Variants in HS2ST1 observed in about 807,000 individuals in gnomAD.
HS2ST1 encodes the protein heparan sulfate 2-O-sulfotransferase 1.
HS2ST1 carries 18 observed loss-of-function variants against 42.9 expected under a neutral mutation model. The observed-to-expected ratio is 0.42, with a 90% CI of 0.29 to 0.62. HS2ST1 has a LOEUF of 0.62. Ranked by LOEUF, HS2ST1 falls within the 20% of genes least tolerant of loss-of-function variation. The probability of loss-of-function intolerance (pLI) is 0.21; values close to 1 mark genes in which losing one functional copy is unlikely to be tolerated. For missense variants in HS2ST1, 334 were observed against 433.8 expected (o/e 0.77, Z 2.04); for synonymous variants, 146 against 152.9 (o/e 0.95, Z 0.33).
In HS2ST1 at chr1:86,922,752, C is replaced by A. The variant is rs557451666; in HGVS notation, c.124+7592C>A. ...TCTTTTATTTTTCCTCTTTTGCCTA[C>A]TTTTAAGAGTTTCACTAGGTTTTTA... On this transcript the variant is annotated intron_variant, in intron 1 of 6. Coordinates refer to ENST00000370550, the MANE Select transcript of HS2ST1 (RefSeq NM_012262.4). Among the ~76,000 whole-genome samples, 3 of 152,178 alleles carry A rather than the reference C, an allele frequency of 2.0e-5. No individual in the cohort carries two copies. The East Asian group carries it at 5.8e-4, about 29-fold the overall frequency.
chr1:86,992,997 C>A, intron 1 of HS2ST1: 1 of 1,441,782 alleles, frequency 6.9e-7, no homozygotes, highest in Non-Finnish European at 9.4e-7. Flanking sequence ...GTCTATGTTC[C>A]TTTCCTCCCA....
chr1:86,952,541 T>A (rs971275076), intron 1 of HS2ST1, among the ~76,000 whole-genome samples: 1 of 152,206 alleles, frequency 6.6e-6, no homozygotes, highest in Non-Finnish European at 1.5e-5. Flanking sequence ...CCCAGCCAAA[T>A]AATAAAACTT....
At chr1:86,972,876 T>C (rs566154256) in intron 1 of HS2ST1, among the ~76,000 whole-genome samples, 2 of 152,372 alleles carry the variant, frequency 1.3e-5, no homozygotes, top group African/African-American at 4.8e-5. Flanking sequence ...TAGTTGTCTT[T>C]ATTCTGCAGT....
chr1:86,993,228 T>G (rs770973596), intron 1 of HS2ST1: 94 of 1,383,126 alleles, frequency 6.8e-5, no homozygotes, highest in Non-Finnish European at 8.5e-5. Context: ...TTGTAATGTA[T>G]GCAACCATAC....
intron 1 of HS2ST1, among the ~76,000 whole-genome samples, chr1:87,054,289 TATCTC>T (rs1650905811): frequency 6.6e-6 from 1 of 152,166 alleles, no homozygotes; most frequent in Admixed American, 6.5e-5. Context: ...CTTCTAGAGA[TATCTC>T]ATGTGGGTTT....
chr1:86,977,663 T>C (rs1398498555), intron 1 of HS2ST1, among the ~76,000 whole-genome samples: 1 of 152,224 alleles, frequency 6.6e-6, no homozygotes, highest in Admixed American at 6.5e-5. Context: ...GAAAGGACTT[T>C]TAACCTCAAG....
intron 3 of HS2ST1, among the ~76,000 whole-genome samples, chr1:87,091,156 C>T (rs1651929235): frequency 6.6e-6 from 1 of 151,674 alleles, no homozygotes; most frequent in Admixed American, 6.6e-5. Context: ...ATTCCTAGTA[C>T]CTAGAATAGT....
chr1:87,033,535 G>GTT (rs1553138999), intron 1 of HS2ST1, among the ~76,000 whole-genome samples: 35 of 146,688 alleles, frequency 2.4e-4, no homozygotes, highest in Non-Finnish European at 4.8e-4. Context: ...GTGTTTTTTT[G>GTT]TTTTTTTGTT....
intron 1 of HS2ST1, among the ~76,000 whole-genome samples, chr1:87,068,635 C>T (rs1040349481): frequency 1.4e-4 from 22 of 152,040 alleles, no homozygotes; most frequent in Non-Finnish European, 2.9e-4. Flanking sequence ...TGTCTTGCAC[C>T]GGTTGTCAAA....
intron 1 of HS2ST1, among the ~76,000 whole-genome samples, chr1:86,999,740 T>TA (rs1370664716): frequency 2.6e-5 from 4 of 152,220 alleles, no homozygotes; most frequent in Non-Finnish European, 5.9e-5. Context: ...TTAGGCCTAG[T>TA]AAAGTCAAAT....
At chr1:86,978,271 TA>T (rs548093545) in intron 1 of HS2ST1, among the ~76,000 whole-genome samples, 4 of 152,200 alleles carry the variant, frequency 2.6e-5, no homozygotes, top group Non-Finnish European at 4.4e-5. Flanking sequence ...TAAAAGCTAA[TA>T]AAAATCTTAC....
At chr1:87,049,190 A>G (rs925591295) in intron 1 of HS2ST1, among the ~76,000 whole-genome samples, 1 of 151,890 alleles carries the variant, frequency 6.6e-6, no homozygotes, top group Non-Finnish European at 1.5e-5. Context: ...TATCAAGTTT[A>G]TTGGCTACAG....
intron 5 of HS2ST1, 163 bp downstream of exon 5, chr1:87,098,098 T>C (rs1652113391): frequency 4.3e-6 from 6 of 1,407,810 alleles, no homozygotes; most frequent in African/African-American, 1.5e-5. Flanking sequence ...TTAAATGCAT[T>C]TAAAAGATTC....
At chr1:87,006,796 CAT>C (rs1218031095) in intron 1 of HS2ST1, among the ~76,000 whole-genome samples, 1 of 152,030 alleles carries the variant, frequency 6.6e-6, no homozygotes, top group Non-Finnish European at 1.5e-5. Flanking sequence ...TATTTGCTAA[CAT>C]AAGATAATAG....
At chr1:87,064,591 C>T in intron 1 of HS2ST1, 2 of 507,698 alleles carry the variant, frequency 3.9e-6, no homozygotes, top group Admixed American at 2.0e-5. Context: ...TTCAGAATCT[C>T]TCTACCTTGC....
chr1:87,058,948 A>G (rs1168907437), intron 1 of HS2ST1, among the ~76,000 whole-genome samples: 3 of 151,902 alleles, frequency 2.0e-5, no homozygotes, highest in Non-Finnish European at 2.9e-5. Flanking sequence ...AGTCCCAGCT[A>G]CTCGGGAGGT....
At chr1:86,929,222 C>G (rs1463989169) in intron 1 of HS2ST1, among the ~76,000 whole-genome samples, 1 of 151,818 alleles carries the variant, frequency 6.6e-6, no homozygotes, top group African/African-American at 2.4e-5. Context: ...TAATATCTAA[C>G]TACTTTCTCT....
chr1:87,109,797 T>A lies in HS2ST1; in HGVS notation c.*5101T>A, dbSNP rs1652427617. ...GGGATCTGCATTTAGCAATGTGATGTCAGTAAATGGACATAACAGGATTGT... is the reference window on the plus strand; with the variant it reads ...GGGATCTGCATTTAGCAATGTGATGACAGTAAATGGACATAACAGGATTGT... On this transcript the variant is annotated 3_prime_UTR_variant, in exon 7 of 7. Coordinates refer to ENST00000370550, the MANE Select transcript of HS2ST1 (RefSeq NM_012262.4). The A allele has an allele frequency of 6.6e-6, 1 of 152,100 alleles. No individual in the cohort carries two copies. The highest frequency in any genetic ancestry group is 2.4e-5 in the African/African-American group (1 of 41,442). 9.4% of individuals were successfully genotyped at this position (152,100 alleles called of 1,614,324 possible).
intron 3 of HS2ST1, among the ~76,000 whole-genome samples, chr1:87,085,859 TGTA>T (rs951219470): frequency 6.6e-6 from 1 of 152,204 alleles, no homozygotes; most frequent in African/African-American, 2.4e-5. Flanking sequence ...CTGAGGTTCT[TGTA>T]GTTGAAAAAA....
Sources: allele counts gnomAD v4.1 joint callset (sites outside exome capture counted in the v4.1 genomes callset), GRCh38; gene constraint gnomAD v4.1.1; transcripts MANE v1.5; gene names NCBI Gene and HGNC (gene_info 2026-07-23, HGNC 2026-07-21).